Variants in SGCZ observed in about 807,000 individuals in gnomAD.
SGCZ encodes the protein zeta-sarcoglycan.
Under a neutral mutation model 41.3 loss-of-function variants are expected in SGCZ, and 40 were observed. That is an observed-to-expected ratio of 0.97 (90% confidence interval 0.75 to 1.26). The LOEUF (loss-of-function observed/expected upper bound fraction) is 1.26, where lower values mean the gene tolerates loss of function less well. Ranked by LOEUF, SGCZ falls within the 50% of genes most tolerant of loss-of-function variation. The probability of loss-of-function intolerance (pLI) is 0.00; values close to 1 mark genes in which losing one functional copy is unlikely to be tolerated. For missense variants in SGCZ, 552 were observed against 369.8 expected, an observed-to-expected ratio of 1.49 and a Z score of -4.04; for synonymous variants, 206 against 137.5, an observed-to-expected ratio of 1.50 and a Z score of -3.49.
intron 1 of SGCZ, among the ~76,000 whole-genome samples, chr8:15,225,699 G>A (rs1028147177): frequency 4.6e-5 from 7 of 152,170 alleles, no homozygotes; most frequent in Non-Finnish European, 8.8e-5. Context: ...AGGGAAATCT[G>A]AAAGTATGGG....
chr8:14,874,326 T>C (rs537902969), intron 1 of SGCZ, among the ~76,000 whole-genome samples: 2 of 152,318 alleles, frequency 1.3e-5, no homozygotes, highest in East Asian at 3.9e-4. Flanking sequence ...GAAAGTTGAC[T>C]GTCCAACACT....
At chr8:14,345,596 T>A (rs1259105234) in intron 2 of SGCZ, among the ~76,000 whole-genome samples, 3 of 152,146 alleles carry the variant, frequency 2.0e-5, no homozygotes, top group Non-Finnish European at 4.4e-5. Context: ...TTTAATAACG[T>A]GAGTTAAGCC....
chr8:14,327,801 A>T (rs1802175368), intron 2 of SGCZ, among the ~76,000 whole-genome samples: 1 of 152,148 alleles, frequency 6.6e-6, no homozygotes. Context: ...GTTTGTTTTG[A>T]GATGGAGTCT....
chr8:15,186,179 A>G (rs552324751), intron 1 of SGCZ, among the ~76,000 whole-genome samples: 1 of 148,054 alleles, frequency 6.8e-6, no homozygotes, highest in South Asian at 2.1e-4. Flanking sequence ...GGAGAATGGC[A>G]TGAACCCGGG....
intron 2 of SGCZ, among the ~76,000 whole-genome samples, chr8:14,337,890 G>A (rs1468000305): frequency 1.3e-5 from 2 of 152,154 alleles, no homozygotes; most frequent in East Asian, 3.9e-4. Context: ...ATAGCCAGAA[G>A]CCGGATGAAC....
chr8:14,732,540 G>C (rs1016188654), intron 1 of SGCZ, among the ~76,000 whole-genome samples: 5 of 152,138 alleles, frequency 3.3e-5, no homozygotes, highest in Non-Finnish European at 4.4e-5. Flanking sequence ...ACCTGCAGCT[G>C]TCAGGAACCT....
intron 2 of SGCZ, among the ~76,000 whole-genome samples, chr8:14,480,669 A>G (rs1801511301): frequency 1.3e-5 from 2 of 152,114 alleles, no homozygotes; most frequent in Admixed American, 1.3e-4. Context: ...CTTATTCCAC[A>G]TAATACATAG....
chr8:14,865,105 T>C (rs1028009328), intron 1 of SGCZ, among the ~76,000 whole-genome samples: 7 of 152,238 alleles, frequency 4.6e-5, no homozygotes, highest in Non-Finnish European at 7.4e-5. Context: ...TTATAAAAAA[T>C]GTGCAATAGT....
At chr8:14,791,604 C>T (rs1170227654) in intron 1 of SGCZ, among the ~76,000 whole-genome samples, 2 of 152,172 alleles carry the variant, frequency 1.3e-5, no homozygotes, top group African/African-American at 4.8e-5. Flanking sequence ...CCAATTTTTA[C>T]ATTACAATAT....
chr8:15,205,907 A>G (rs1367245756), intron 1 of SGCZ, among the ~76,000 whole-genome samples: 1 of 152,208 alleles, frequency 6.6e-6, no homozygotes, highest in Admixed American at 6.5e-5. Context: ...ATGCAGTCAT[A>G]AAAAAGAATG....
intron 1 of SGCZ, among the ~76,000 whole-genome samples, chr8:15,055,606 C>A (rs1344380866): frequency 6.6e-6 from 1 of 152,200 alleles, no homozygotes; most frequent in Non-Finnish European, 1.5e-5. Context: ...AAGGCCAGAG[C>A]CTGGGACCCC....
chr8:14,301,874 C>T (rs6981590), intron 3 of SGCZ, among the ~76,000 whole-genome samples: 148,649 of 152,256 alleles, frequency 0.98, 72,638 homozygotes, highest in East Asian at 1. Context: ...ACTCAAAGCA[C>T]CAAAAAAGTA....
chr8:14,507,563 A>C (rs1275790235), intron 2 of SGCZ, among the ~76,000 whole-genome samples: 1 of 152,092 alleles, frequency 6.6e-6, no homozygotes, highest in Non-Finnish European at 1.5e-5. Context: ...CAGTGTTTTC[A>C]CTTTTATCAC....
At chr8:14,908,697 C>T (rs1041863506) in intron 1 of SGCZ, among the ~76,000 whole-genome samples, 1 of 142,950 alleles carries the variant, frequency 7.0e-6, no homozygotes, top group African/African-American at 2.7e-5. Flanking sequence ...TTGCAGTGAG[C>T]CGAGATCGGG....
intron 1 of SGCZ, among the ~76,000 whole-genome samples, chr8:15,032,584 C>T (rs1398739261): frequency 1.3e-5 from 2 of 152,114 alleles, no homozygotes; most frequent in African/African-American, 4.8e-5. Context: ...TCAGCAGACT[C>T]AGTCTCTGGG....
At chr8:14,737,509 T>A (rs891962589) in intron 1 of SGCZ, among the ~76,000 whole-genome samples, 3 of 152,130 alleles carry the variant, frequency 2.0e-5, no homozygotes, top group Non-Finnish European at 4.4e-5. Flanking sequence ...TGTATTACCT[T>A]GTTAGGGCTG....
intron 1 of SGCZ, among the ~76,000 whole-genome samples, chr8:14,666,654 G>C (rs1489428449): frequency 1.5e-5 from 2 of 132,970 alleles, no homozygotes; most frequent in African/African-American, 5.7e-5. Flanking sequence ...CTAATAGAGA[G>C]ACAAGGACAT....
intron 1 of SGCZ, among the ~76,000 whole-genome samples, chr8:14,966,649 TA>T (rs1365900268): frequency 2.0e-5 from 3 of 152,106 alleles, no homozygotes; most frequent in Non-Finnish European, 4.4e-5. Context: ...TTTCCTTCTG[TA>T]AAAGCACCAG....
intron 1 of SGCZ, among the ~76,000 whole-genome samples, chr8:15,037,167 T>C (rs981806091): frequency 5.3e-5 from 8 of 152,258 alleles, no homozygotes; most frequent in Middle Eastern, 3.4e-3. Flanking sequence ...AATTGTAGTC[T>C]CCATGATCCC....
Sources: gnomAD v4.1 joint callset for allele counts (sites outside exome capture counted in the v4.1 genomes callset) on GRCh38, gnomAD v4.1.1 for gene constraint, MANE v1.5 for transcripts, NCBI Gene and HGNC (gene_info 2026-07-23, HGNC 2026-07-21) for gene names.